The following PABPC4L variants were observed in gnomAD, a reference collection of about 807,000 sequenced individuals.
PABPC4L encodes polyadenylate-binding protein 4-like.
For missense variants in PABPC4L, 452 were observed against 451.4 expected (o/e 1.00, Z -0.01); for synonymous variants, 169 against 164.1 (o/e 1.03, Z -0.23).
At chr4:134,137,506 A>G in the PABPC4L span, among the ~76,000 whole-genome samples, 2 of 151,908 alleles carry the variant, frequency 1.3e-5, no homozygotes, top group Non-Finnish European at 2.9e-5. Flanking sequence ...AAATACCGAG[A>G]CTAGTTTCAA....
the PABPC4L span, among the ~76,000 whole-genome samples, chr4:134,050,576 G>A: frequency 6.6e-6 from 1 of 151,740 alleles, no homozygotes; most frequent in African/African-American, 2.4e-5. Flanking sequence ...ATGGTAGCAG[G>A]CGCCTGTAAA....
the PABPC4L span, among the ~76,000 whole-genome samples, chr4:133,956,912 C>T: frequency 1.3e-5 from 2 of 152,116 alleles, no homozygotes; most frequent in East Asian, 3.9e-4. Flanking sequence ...GTAACCACCC[C>T]TATGATTCAA....
chr4:134,097,610 T>A, the PABPC4L span, among the ~76,000 whole-genome samples: 13 of 151,766 alleles, frequency 8.6e-5, 1 homozygote, highest in Non-Finnish European at 1.9e-4. Context: ...TTGGAATAGG[T>A]CACAACAACA....
chr4:134,138,293 C>G, the PABPC4L span, among the ~76,000 whole-genome samples: 1 of 151,670 alleles, frequency 6.6e-6, no homozygotes, highest in Admixed American at 6.6e-5. Context: ...ATGTTAAGAA[C>G]CCTGATCAAT....
At chr4:134,172,537 A>G in the PABPC4L span, among the ~76,000 whole-genome samples, 3 of 152,132 alleles carry the variant, frequency 2.0e-5, no homozygotes. Flanking sequence ...CTTAAATGTA[A>G]AACCTAAAAC....
At chr4:134,163,527 A>T in the PABPC4L span, among the ~76,000 whole-genome samples, 1 of 152,176 alleles carries the variant, frequency 6.6e-6, no homozygotes, top group African/African-American at 2.4e-5. Flanking sequence ...CCCTGACATC[A>T]AAGCCAGGAA....
At position 134,200,593 on chromosome 4, in the gene PABPC4L, G is replaced by T; in HGVS notation, c.427C>A (p.His143Asn). Residue 143 changes from histidine (H) to asparagine (N), a missense_variant, in exon 2 of 2, where the codon CAC becomes AAC. Coordinates refer to ENST00000421491, the MANE Select transcript of PABPC4L (RefSeq NM_001114734.2). ...TCTGCAGCACTCTGGTTCTGAAAGT[G>T]CACAAATGCATAGCCCTTGGAGCCT... ...DQGSKGYAFV[H>N]FQNQSAADRA... The T allele has an allele frequency of 6.4e-7, 1 of 1,551,646 alleles. No individual in the cohort carries two copies. The highest frequency in any genetic ancestry group is 1.2e-5 in the South Asian group (1 of 84,062).
At chr4:134,123,715 A>G in the PABPC4L span, among the ~76,000 whole-genome samples, 1 of 152,090 alleles carries the variant, frequency 6.6e-6, no homozygotes. Flanking sequence ...AGTCTGACCA[A>G]CATTTTAAAT....
chr4:134,034,869 A>G, the PABPC4L span, among the ~76,000 whole-genome samples: 1 of 152,048 alleles, frequency 6.6e-6, no homozygotes, highest in Non-Finnish European at 1.5e-5. Context: ...ATATAAACTT[A>G]GTTAATAAAG....
the PABPC4L span, among the ~76,000 whole-genome samples, chr4:134,092,311 A>AT: frequency 6.6e-6 from 1 of 152,042 alleles, no homozygotes; most frequent in Non-Finnish European, 1.5e-5. Flanking sequence ...AGAAGAAAAG[A>AT]GAGTAAGTGC....
the PABPC4L span, among the ~76,000 whole-genome samples, chr4:133,971,793 G>A: frequency 2.6e-5 from 4 of 152,150 alleles, no homozygotes. Flanking sequence ...TGAACAGCAT[G>A]CTTTTTCTCC....
At chr4:134,100,653 T>C in the PABPC4L span, among the ~76,000 whole-genome samples, 3 of 151,608 alleles carry the variant, frequency 2.0e-5, no homozygotes, top group Non-Finnish European at 3.0e-5. Context: ...CCGAATTGTA[T>C]TCTGGGTTAT....
chr4:134,133,931 T>G, the PABPC4L span, among the ~76,000 whole-genome samples: 1 of 152,082 alleles, frequency 6.6e-6, no homozygotes, highest in Non-Finnish European at 1.5e-5. Flanking sequence ...TCAAACTGAT[T>G]TTTTAAAAAT....
chr4:134,144,069 T>C, the PABPC4L span, among the ~76,000 whole-genome samples: 1 of 151,578 alleles, frequency 6.6e-6, no homozygotes, highest in African/African-American at 2.4e-5. Context: ...AGTACAAGAT[T>C]TGGATGCCAT....
At chr4:134,103,032 GA>G in the PABPC4L span, among the ~76,000 whole-genome samples, 1 of 151,430 alleles carries the variant, frequency 6.6e-6, no homozygotes, top group South Asian at 2.1e-4. Flanking sequence ...AATAACCCTT[GA>G]AAACTGCTCT....
At chr4:134,017,064 T>A in the PABPC4L span, among the ~76,000 whole-genome samples, 6 of 152,170 alleles carry the variant, frequency 3.9e-5, no homozygotes, top group African/African-American at 1.4e-4. Context: ...CCTTCCCACC[T>A]CTATACAGTC....
At chr4:134,052,579 G>T in the PABPC4L span, among the ~76,000 whole-genome samples, 12 of 151,554 alleles carry the variant, frequency 7.9e-5, no homozygotes, top group Non-Finnish European at 1.8e-4. Flanking sequence ...ATCTCTTGTC[G>T]GTTCATTTCT....
At chr4:133,957,266 G>A in the PABPC4L span, among the ~76,000 whole-genome samples, 4 of 152,110 alleles carry the variant, frequency 2.6e-5, no homozygotes, top group Non-Finnish European at 5.9e-5. Context: ...GGAGAAATGG[G>A]CCCAAAGGGT....
chr4:134,017,882 T>C, the PABPC4L span, among the ~76,000 whole-genome samples: 1 of 151,956 alleles, frequency 6.6e-6, no homozygotes, highest in African/African-American at 2.4e-5. Context: ...CATCACCCAT[T>C]ATCTCTCCAT....
Sources: gnomAD v4.1 joint callset for allele counts (sites outside exome capture counted in the v4.1 genomes callset) on GRCh38, gnomAD v4.1.1 for gene constraint, MANE v1.5 for transcripts, NCBI Gene and HGNC (gene_info 2026-07-23, HGNC 2026-07-21) for gene names.